The following PUS7L variants were observed in gnomAD, a reference collection of about 807,000 sequenced individuals.
The protein encoded by PUS7L is pseudouridylate synthase PUS7L.
Under a neutral mutation model 51.1 loss-of-function variants are expected in PUS7L, and 49 were observed. That is an observed-to-expected ratio of 0.96 (90% CI 0.76 to 1.22). PUS7L has a LOEUF of 1.22. PUS7L is among the 50% of genes most tolerant of loss of function. The probability of loss-of-function intolerance (pLI) is 0.00; values close to 1 mark genes in which losing one functional copy is unlikely to be tolerated. For missense variants in PUS7L, 828 were observed against 820.6 expected (o/e 1.01, Z -0.11); for synonymous variants, 277 against 276.2 (o/e 1.00, Z -0.03).
At position 43,745,933 on chromosome 12, in the gene PUS7L, T is replaced by A. The variant is rs1007057703; in HGVS notation, c.1263+113A>T. On this transcript the variant is annotated intron_variant, in intron 4 of 8. Transcript: ENST00000344862. ...ACTTTAGAAAATAATTAATCACTTT[T>A]AAAAATCCCATAAAAAGGTACAAAA... 5.5e-6 allele frequency: 3 copies of A among 549,612 alleles called. No homozygotes were observed. In the African/African-American group the frequency reaches 6.0e-5, roughly 11 times the overall value. 34.0% of individuals were successfully genotyped at this position (549,612 alleles called of 1,614,324 possible).
intron 5 of PUS7L, chr12:43,739,868 T>C (rs910360474): frequency 1.3e-5 from 2 of 152,154 alleles, no homozygotes; most frequent in African/African-American, 4.8e-5. Flanking sequence ...GTACACAGTA[T>C]AAATTCTATT....
At chr12:43,748,707 T>C in intron 2 of PUS7L, 98 bp from the exon 3 acceptor site, 1 of 995,168 alleles carries the variant, frequency 1.0e-6, no homozygotes. Context: ...AAACTATTAA[T>C]CTAAGGAGTT....
intron 1 of PUS7L, among the ~76,000 whole-genome samples, chr12:43,756,160 C>T (rs1439976352): frequency 6.6e-6 from 1 of 152,212 alleles, no homozygotes; most frequent in African/African-American, 2.4e-5. Context: ...CTTCTCAATC[C>T]TTTCCATCAT....
At position 43,754,412 on chromosome 12, in the gene PUS7L, T is replaced by A. The variant is rs1459647685; in HGVS notation, c.834A>T (p.Val278=). The A allele has an allele frequency of 6.2e-7, 1 of 1,613,232 alleles. No individual in the cohort carries two copies. Among genetic ancestry groups the A allele is most frequent in the East Asian group, 2.2e-5 (1 of 44,874 alleles). ...GTTTGTGTGCTTTTTCCCGAAATCT[T>A]ACTGTTACCACCACATTCGGATTAC... The part of the protein sequence containing the change: ...SAGNPNVVVT[V]RFREKAHKRG... Residue 278 remains valine (V), a synonymous_variant, in exon 2 of 9, where the codon GTA becomes GTT. Coordinates refer to ENST00000344862, the MANE Select transcript of PUS7L (RefSeq NM_031292.5).
chr12:43,740,184 T>C (rs1937827457), intron 5 of PUS7L, among the ~76,000 whole-genome samples: 1 of 152,234 alleles, frequency 6.6e-6, no homozygotes, highest in African/African-American at 2.4e-5. Context: ...TACTAGTTTA[T>C]GTATTTTATC....
In PUS7L at chr12:43,723,661, T is replaced by C. The variant is rs968780688; in HGVS notation, c.*6715A>G. On this transcript the variant is annotated 3_prime_UTR_variant, in exon 9 of 9. Coordinates refer to ENST00000344862, the MANE Select transcript of PUS7L (RefSeq NM_031292.5). ...TATTTTTGTCTTTCCCATAGCATTT[T>C]GTAGAGTACCTTTCACTTATTCAAA... 1 of 152,160 alleles carries C rather than the reference T, an allele frequency of 6.6e-6. No individual in the cohort carries two copies. The highest frequency in any genetic ancestry group is 2.4e-5 in the African/African-American group (1 of 41,456). The allele number at this position is 152,160 out of a possible 1,614,324, so 9.4% of individuals were successfully genotyped here.
rs1944420118 is a variant in PUS7L, at chr12:43,723,449, A to G, written c.*6927T>C. 2 of 152,090 alleles carry G rather than the reference A, an allele frequency of 1.3e-5. No individual in the cohort carries two copies. The highest frequency in any genetic ancestry group is 4.8e-5 in the African/African-American group (2 of 41,428). 9.4% of individuals were successfully genotyped at this position (152,090 alleles called of 1,614,324 possible). A position where few individuals can be genotyped will look rare whatever the true frequency, so the allele number is the denominator to read the frequency against. On this transcript the variant is annotated 3_prime_UTR_variant, in exon 9 of 9. Transcript: ENST00000344862. ...AAATAAGTATCATTTAAGGATTTAGAATGGAGTGCTGAGAGGTCAAGTAAC... is the reference window on the plus strand; with the variant it reads ...AAATAAGTATCATTTAAGGATTTAGGATGGAGTGCTGAGAGGTCAAGTAAC...
At position 43,722,493 on chromosome 12, in the gene PUS7L, T is replaced by G. The variant is rs1400911800; in HGVS notation, c.*7883A>C. 3 of 152,150 alleles carry G rather than the reference T, an allele frequency of 2.0e-5. No individual in the cohort carries two copies. The highest frequency in any genetic ancestry group is 7.2e-5 in the African/African-American group (3 of 41,454). 9.4% of individuals were successfully genotyped at this position (152,150 alleles called of 1,614,324 possible). ...AACTTAGAATAACTGCTTCCCAGAT[T>G]TGCTATTGCCTCCTAAATGTGAAAA... is the stretch of plus-strand genomic sequence containing the variant. On this transcript the variant is annotated 3_prime_UTR_variant, in exon 9 of 9. Transcript: ENST00000344862.
chr12:43,748,626 A>AG lies in PUS7L; in HGVS notation c.911-18_911-17insC, dbSNP rs1565641750. ...GGGTAAAAGCTGAAACAAAAAAAAA[A>AG]CTTAGATCACAAAAAAAGCAGCTAC... On this transcript the variant is annotated splice_polypyrimidine_tract_variant and intron_variant, in intron 2 of 8. Coordinates refer to ENST00000344862, the MANE Select transcript of PUS7L (RefSeq NM_031292.5). The AG allele has an allele frequency of 1.3e-6, 2 of 1,561,504 alleles. No individual in the cohort carries two copies. Among genetic ancestry groups the AG allele is most frequent in the Middle Eastern group, 2.0e-4 (1 of 4,986 alleles).
chr12:43,732,430 G>C (rs139612761), intron 7 of PUS7L, among the ~76,000 whole-genome samples: 2,792 of 151,236 alleles, frequency 0.018, 57 homozygotes, highest in South Asian at 0.071. Context: ...CTGGGTGACA[G>C]AGCAAGACTC....
In PUS7L at chr12:43,736,373, ATACT is replaced by A. The variant is rs757281308; in HGVS notation, c.1725+4_1725+7del. ...ACTCTTGGAAAACTCTGATGGAATG[ATACT>A]TACTTTACTATTTGGGAAATTCTCG... On this transcript the variant is annotated splice_donor_5th_base_variant and intron_variant, in intron 7 of 8. Coordinates refer to ENST00000344862, the MANE Select transcript of PUS7L (RefSeq NM_031292.5). The A allele has an allele frequency of 1.6e-5, 25 of 1,611,930 alleles. No homozygotes were observed. The highest frequency in any genetic ancestry group is 4.0e-5 in the African/African-American group (3 of 74,882).
Position 43,729,349 on chromosome 12 carries a change from A to T in PUS7L, c.*1027T>A. 2.6e-6 allele frequency: 1 copy of T among 391,658 alleles called. No homozygotes were observed. Among genetic ancestry groups the T allele is most frequent in the Non-Finnish European group, 4.5e-6 (1 of 221,584 alleles). The allele number at this position is 391,658 out of a possible 1,614,324, so 24.3% of individuals were successfully genotyped here. A position where few individuals can be genotyped will look rare whatever the true frequency, so the allele number is the denominator to read the frequency against. On this transcript the variant is annotated 3_prime_UTR_variant, in exon 9 of 9. Coordinates refer to ENST00000344862, the MANE Select transcript of PUS7L (RefSeq NM_031292.5). Reference sequence around the variant, plus strand: ...ACATTACTGATATATAATGCTCCATACTGCTTTTTAAATTTCATCATTATA... The same window carrying T: ...ACATTACTGATATATAATGCTCCATTCTGCTTTTTAAATTTCATCATTATA...
rs1433139353 is a variant in PUS7L, at chr12:43,728,664, A to G, written c.*1712T>C. 2.0e-5 allele frequency: 3 copies of G among 152,128 alleles called. No individual in the cohort carries two copies. The highest frequency in any genetic ancestry group is 2.1e-4 in the South Asian group (1 of 4,832). The allele number at this position is 152,128 out of a possible 1,614,324, so 9.4% of individuals were successfully genotyped here. A position where few individuals can be genotyped will look rare whatever the true frequency, so the allele number is the denominator to read the frequency against. ...CATATAACAAAAAAAACTTTTTAGT[A>G]TTAAAAAAAATCCAAATACCCCATC... is the stretch of plus-strand genomic sequence containing the variant. On this transcript the variant is annotated 3_prime_UTR_variant, in exon 9 of 9. Transcript: ENST00000344862.
intron 5 of PUS7L, 142 bp from the exon 6 acceptor site, chr12:43,738,533 C>T: frequency 3.4e-6 from 2 of 586,782 alleles, no homozygotes; most frequent in Non-Finnish European, 6.0e-6. Flanking sequence ...TTTAGGCTTG[C>T]AAAAATTAAA....
intron 2 of PUS7L, among the ~76,000 whole-genome samples, chr12:43,749,030 T>C (rs1169432791): frequency 6.6e-6 from 1 of 152,048 alleles, no homozygotes; most frequent in African/African-American, 2.4e-5. Context: ...CCGTAAGGAG[T>C]ACTTTTTAAT....
At chr12:43,746,570 C>T (rs1938182256) in intron 3 of PUS7L, among the ~76,000 whole-genome samples, 1 of 152,164 alleles carries the variant, frequency 6.6e-6, no homozygotes, top group Admixed American at 6.5e-5. Flanking sequence ...TGCTCCTTTC[C>T]TTCTCAGTCT....
chr12:43,755,104 T>C lies in PUS7L; in HGVS notation c.142A>G (p.Lys48Glu). The C allele has an allele frequency of 6.2e-7, 1 of 1,613,742 alleles. No homozygotes were observed. Among genetic ancestry groups the C allele is most frequent in the Non-Finnish European group, 8.5e-7 (1 of 1,179,786 alleles). Reference protein sequence around the residue: ...EIDEQGQLVNKTIDEPIFKIS... With the variant: ...EIDEQGQLVNETIDEPIFKIS... ...TTGAAAATAGGCTCATCGATGGTCT[T>C]ATTAACTAACTGTCCCTGTTCATCA... is the stretch of plus-strand genomic sequence containing the variant. Residue 48 changes from lysine (K) to glutamate (E), a missense_variant, in exon 2 of 9, where the codon AAG becomes GAG. Coordinates refer to ENST00000344862, the MANE Select transcript of PUS7L (RefSeq NM_031292.5).
chr12:43,720,368 T>G lies in PUS7L; in HGVS notation c.*10008A>C, dbSNP rs1476382053. ...GTATGGTGGCACACGCCTGTAATCC[T>G]AGCTCCTTGGGAGGCTGATACAGGA... On this transcript the variant is annotated 3_prime_UTR_variant, in exon 9 of 9. Coordinates refer to ENST00000344862, the MANE Select transcript of PUS7L (RefSeq NM_031292.5). 1 of 152,128 alleles carries G rather than the reference T, an allele frequency of 6.6e-6. No individual in the cohort carries two copies. Among genetic ancestry groups the G allele is most frequent in the Admixed American group, 6.5e-5 (1 of 15,270 alleles). The allele number at this position is 152,128 out of a possible 1,614,324, so 9.4% of individuals were successfully genotyped here. A position where few individuals can be genotyped will look rare whatever the true frequency, so the allele number is the denominator to read the frequency against.
Position 43,724,087 on chromosome 12 carries a change from A to G in PUS7L, c.*6289T>C, listed in dbSNP as rs1944427063. ...AAAAGTCCCATTTTCCTACCTCCCCATATCTTCCTCCAACCTCTTTTCCTA... is the reference window on the plus strand; with the variant it reads ...AAAAGTCCCATTTTCCTACCTCCCCGTATCTTCCTCCAACCTCTTTTCCTA... On this transcript the variant is annotated 3_prime_UTR_variant, in exon 9 of 9. Coordinates refer to ENST00000344862, the MANE Select transcript of PUS7L (RefSeq NM_031292.5). The G allele has an allele frequency of 6.6e-6, 1 of 152,050 alleles. No homozygotes were observed. Among genetic ancestry groups the G allele is most frequent in the Non-Finnish European group, 1.5e-5 (1 of 67,928 alleles). The allele number at this position is 152,050 out of a possible 1,614,324, so 9.4% of individuals were successfully genotyped here.
Sources: gnomAD v4.1 joint callset for allele counts (sites outside exome capture counted in the v4.1 genomes callset) on GRCh38, gnomAD v4.1.1 for gene constraint, MANE v1.5 for transcripts, NCBI Gene and HGNC (gene_info 2026-07-23, HGNC 2026-07-21) for gene names.